The following MGRN1 variants were observed in gnomAD, a reference collection of about 807,000 sequenced individuals.
MGRN1 encodes E3 ubiquitin-protein ligase MGRN1.
MGRN1 carries 29 observed loss-of-function variants against 69.2 expected under a neutral mutation model. The observed-to-expected ratio is 0.42, with a 90% CI of 0.31 to 0.57. The LOEUF is 0.57. Ranked by LOEUF, MGRN1 falls within the 20% of genes least tolerant of loss-of-function variation. The probability of loss-of-function intolerance (pLI) is 0.15; values close to 1 mark genes in which losing one functional copy is unlikely to be tolerated. For missense variants in MGRN1, 998 were observed against 796.2 expected, an observed-to-expected ratio of 1.25 and a Z score of -3.05; for synonymous variants, 470 against 344.2, an observed-to-expected ratio of 1.37 and a Z score of -4.04.
rs543232644 is a variant in MGRN1 at position 4,656,839 on chromosome 16, C to T, written c.444-407C>T. 5.9e-5 allele frequency among the ~76,000 whole-genome samples: 9 copies of T among 152,146 alleles called. No individual in the cohort carries two copies. In the South Asian group the frequency reaches 1.0e-3, roughly 18 times the overall value. ...AGGTTGCAGTGAGCTGAGATCACAA[C>T]ACTGCACTCCAGCCCAGGCGACAGA... On this transcript the variant is annotated intron_variant, in intron 4 of 16. Transcript: ENST00000262370.
chr16:4,674,829 A>T (rs2079021437), intron 10 of MGRN1, among the ~76,000 whole-genome samples: 1 of 145,304 alleles, frequency 6.9e-6, no homozygotes, highest in Non-Finnish European at 1.5e-5. Context: ...TTTAGTAGAG[A>T]CGGGGTTTCA....
intron 6 of MGRN1, 99 bp downstream of exon 6, chr16:4,664,874 G>T: frequency 1.3e-6 from 2 of 1,491,104 alleles, no homozygotes. Context: ...AAGCAGGCCA[G>T]GCATAGGGCC....
intron 1 of MGRN1, chr16:4,650,141 A>C: frequency 2.3e-6 from 1 of 427,458 alleles, no homozygotes; most frequent in Non-Finnish European, 4.3e-6. Context: ...CGTCTCCACT[A>C]AGAATACAAA....
At chr16:4,625,090 G>T in intron 1 of MGRN1, 42 bp downstream of exon 1, 1 of 1,486,352 alleles carries the variant, frequency 6.7e-7, no homozygotes, top group Non-Finnish European at 9.0e-7. Flanking sequence ...GGCACGCGCT[G>T]GAACGCGGAC....
Position 4,683,907 on chromosome 16 carries a change from C to T in MGRN1, c.1593C>T (p.Gly531=). 1 of 1,612,250 alleles carries T rather than the reference C, an allele frequency of 6.2e-7. No homozygotes were observed. The highest frequency in any genetic ancestry group is 8.5e-7 in the Non-Finnish European group (1 of 1,179,594). The stretch of plus-strand genomic sequence containing the variant: ...GCAGCCCCGAGCACTGTGGCCGAGG[C>T]CCACCTGCTGACATCTACCTGCCAG... ...QDSSPEHCGR[G]PPADIYLPGR... is the part of the protein sequence containing the mutation. Residue 531 remains glycine, a synonymous_variant, in exon 16 of 17, where the codon GGC becomes GGT. Coordinates refer to ENST00000262370, the MANE Select transcript of MGRN1 (RefSeq NM_015246.4).
chr16:4,652,214 G>C lies in MGRN1; in HGVS notation c.296+163G>C, dbSNP rs188707284. On this transcript the variant is annotated intron_variant, in intron 3 of 16. Transcript: ENST00000262370. Reference sequence around the variant, plus strand: ...TGTCCTGGGCTGAGCGAGGGAAAGGGCATGTGGAACAAGAGCCGTTTAGCC... The same window carrying C: ...TGTCCTGGGCTGAGCGAGGGAAAGGCCATGTGGAACAAGAGCCGTTTAGCC... 3.2e-3 allele frequency among the ~76,000 whole-genome samples: 485 copies of C among 152,250 alleles called. 1 individual carries two copies. Among genetic ancestry groups the C allele is most frequent in the African/African-American group, 0.011 (462 of 41,544 alleles).
At position 4,687,532 on chromosome 16, in the gene MGRN1, C is replaced by A. The variant is rs78067567; in HGVS notation, c.1619-1264C>A. On this transcript the variant is annotated intron_variant, in intron 16 of 16. Transcript: ENST00000262370. ...TCAATAAAAAAAAATACACACACAC[C>A]CACCCACCCACTCCAGCCTGAGACC... 855 of 970,254 alleles carry A rather than the reference C, an allele frequency of 8.8e-4. 10 individuals carry two copies. The Middle Eastern group carries it at 0.01, about 11-fold the overall frequency. 60.1% of individuals were successfully genotyped at this position (970,254 alleles called of 1,614,324 possible).
chr16:4,666,390 C>T (rs761720016), intron 7 of MGRN1, among the ~76,000 whole-genome samples: 4 of 152,198 alleles, frequency 2.6e-5, no homozygotes, highest in South Asian at 2.1e-4. Context: ...CCTTGGCCTT[C>T]CAAAGTGCTG....
chr16:4,668,348 A>G, intron 8 of MGRN1, 36 bp downstream of exon 8: 1 of 1,607,750 alleles, frequency 6.2e-7, no homozygotes, highest in East Asian at 2.2e-5. Context: ...TGCTTGAATT[A>G]AAAGACACAC....
chr16:4,686,616 C>A, intron 16 of MGRN1: 1 of 1,193,720 alleles, frequency 8.4e-7, no homozygotes, highest in Non-Finnish European at 1.0e-6. Flanking sequence ...GAGACAGACA[C>A]AGCCCAGGTG....
intron 4 of MGRN1, among the ~76,000 whole-genome samples, chr16:4,653,495 T>G (rs1378647125): frequency 2.0e-5 from 3 of 151,394 alleles, no homozygotes; most frequent in Admixed American, 6.6e-5. Context: ...TGTTTTTGTT[T>G]TGTTTTGTTT....
In MGRN1 at chr16:4,681,551, A is replaced by T. The variant is rs1396942798; in HGVS notation, c.1133A>T (p.Asn378Ile). ...LASKKPKRET[N>I]SDSVPPGYEP... ...CCCTCACGCACCCTGTCCCTACAGAACTCTGACAGCGTCCCACCTGGCTAC... is the reference window on the plus strand; with the variant it reads ...CCCTCACGCACCCTGTCCCTACAGATCTCTGACAGCGTCCCACCTGGCTAC... The change falls in exon 13 of 17, where the codon AAC becomes ATC. Residue 378 changes from asparagine (N) to isoleucine (I), a missense_variant and splice_region_variant. Transcript: ENST00000262370. 6.2e-7 allele frequency: 1 copy of T among 1,611,982 alleles called. No individual in the cohort carries two copies. The highest frequency in any genetic ancestry group is 2.2e-5 in the East Asian group (1 of 44,816).
intron 16 of MGRN1, among the ~76,000 whole-genome samples, chr16:4,685,933 C>G (rs1596321116): frequency 6.6e-6 from 1 of 152,296 alleles, no homozygotes. Flanking sequence ...TCGGTCCTGT[C>G]TAGCCTCAGC....
intron 9 of MGRN1, chr16:4,672,644 G>A (rs1000702551): frequency 5.6e-6 from 2 of 356,438 alleles, no homozygotes; most frequent in Non-Finnish European, 5.6e-6. Flanking sequence ...TACAACAGGA[G>A]CAGCGGGGAC....
chr16:4,667,794 G>C (rs2078838183), intron 7 of MGRN1, among the ~76,000 whole-genome samples: 1 of 152,204 alleles, frequency 6.6e-6, no homozygotes, highest in South Asian at 2.1e-4. Context: ...TTAGAGCTTT[G>C]CGGTTCCCTG....
chr16:4,658,611 C>A (rs970603950), intron 5 of MGRN1, among the ~76,000 whole-genome samples: 3 of 151,994 alleles, frequency 2.0e-5, no homozygotes, highest in African/African-American at 7.3e-5. Flanking sequence ...ACATGCCCTG[C>A]TAGCAGGCCT....
At chr16:4,686,442 T>G in intron 16 of MGRN1, 1 of 1,428,232 alleles carries the variant, frequency 7.0e-7, no homozygotes, top group Non-Finnish European at 9.1e-7. Flanking sequence ...GGCCCTGGAT[T>G]CCGAATCCAG....
intron 5 of MGRN1, among the ~76,000 whole-genome samples, chr16:4,661,750 G>A (rs550006702): frequency 6.6e-6 from 1 of 152,344 alleles, no homozygotes; most frequent in African/African-American, 2.4e-5. Context: ...CCATCCCATG[G>A]GACTTGTGGC....
intron 5 of MGRN1, among the ~76,000 whole-genome samples, chr16:4,659,659 G>C (rs1341679173): frequency 6.6e-6 from 1 of 152,282 alleles, no homozygotes; most frequent in Non-Finnish European, 1.5e-5. Context: ...TCTGTGGATG[G>C]CCACGCTGAG....
Sources: allele counts gnomAD v4.1 joint callset (sites outside exome capture counted in the v4.1 genomes callset), GRCh38; gene constraint gnomAD v4.1.1; transcripts MANE v1.5; gene names NCBI Gene and HGNC (gene_info 2026-07-23, HGNC 2026-07-21).